Variants in PCED1B observed in about 807,000 individuals in gnomAD.
PCED1B encodes the protein PC-esterase domain containing 1B.
For synonymous variants in PCED1B, 251 were observed against 246.1 expected, an observed-to-expected ratio of 1.02 and a Z score of -0.19; for missense variants, 573 against 573.9, an observed-to-expected ratio of 1.00 and a Z score of 0.02.
intron 3 of PCED1B, 79 bp from the exon 4 acceptor site, chr12:47,234,928 G>A: frequency 1.4e-6 from 1 of 698,200 alleles, no homozygotes; most frequent in Non-Finnish European, 2.2e-6. Context: ...CCTTCCCCAT[G>A]GTCTCCCTAC....
intron 2 of PCED1B, among the ~76,000 whole-genome samples, chr12:47,203,727 G>T (rs1157662116): frequency 1.3e-5 from 2 of 152,118 alleles, no homozygotes; most frequent in South Asian, 2.1e-4. Flanking sequence ...TGGGCATTTA[G>T]GTTGATTTCA....
chr12:47,139,115 G>A (rs1243552894), intron 2 of PCED1B, among the ~76,000 whole-genome samples: 1 of 152,176 alleles, frequency 6.6e-6, no homozygotes, highest in Non-Finnish European at 1.5e-5. Flanking sequence ...ACTGAGAATA[G>A]TGACATAATA....
intron 1 of PCED1B, among the ~76,000 whole-genome samples, chr12:47,081,299 C>T (rs566559790): frequency 5.2e-4 from 79 of 152,248 alleles, no homozygotes; most frequent in South Asian, 2.1e-3. Flanking sequence ...ACCAACTCTT[C>T]CTCCCCTCCC....
intron 2 of PCED1B, among the ~76,000 whole-genome samples, chr12:47,110,534 A>T (rs1391781778): frequency 5.3e-5 from 8 of 152,242 alleles, no homozygotes; most frequent in African/African-American, 1.9e-4. Flanking sequence ...TTACTGCAAA[A>T]GTGACTTAGG....
Position 47,235,358 on chromosome 12 carries a change from T to A in PCED1B, c.295T>A (p.Ser99Thr), listed in dbSNP as rs1417210762. 1 of 1,614,148 alleles carries A rather than the reference T, an allele frequency of 6.2e-7. No homozygotes were observed. Among genetic ancestry groups the A allele is most frequent in the Non-Finnish European group, 8.5e-7 (1 of 1,180,040 alleles). Residue 99 changes from serine to threonine, a missense_variant, in exon 4 of 4, where the codon TCC (serine) becomes ACC (threonine). Transcript: ENST00000546455. ...VRFYFLTRVY[S>T]DYLQTILKEL... The stretch of plus-strand genomic sequence containing the variant: ...TTTTTACTTCCTCACCCGCGTGTAC[T>A]CCGATTACCTCCAGACCATCTTGAA...
In PCED1B at chr12:47,217,481, A is replaced by AAAAAG. The variant is rs1491317804; in HGVS notation, c.-58+794_-58+795insAAGAA. The stretch of plus-strand genomic sequence containing the variant: ...GAAAAAGAAAGAAAGAGAAAGAAAG[A>AAAAAG]AAGAAAGAAAGAAAGAAAGAAAGAA... On this transcript the variant is annotated intron_variant, in intron 3 of 3. Transcript: ENST00000546455. 2.6e-3 allele frequency among the ~76,000 whole-genome samples: 320 copies of AAAAAG among 122,364 alleles called. 6 individuals are homozygous for AAAAAG. The highest frequency in any genetic ancestry group is 0.019 in the East Asian group (86 of 4,438). The allele number at this position is 122,364 out of a possible 152,430, so 80.3% of individuals were successfully genotyped here.
At chr12:47,223,955 C>T (rs1943560662) in intron 3 of PCED1B, 1 of 152,234 alleles carries the variant, frequency 6.6e-6, no homozygotes, top group Non-Finnish European at 1.5e-5. Flanking sequence ...TGTGGGCAGC[C>T]AGCCCAAGAG....
rs1490928360 is a variant in PCED1B, at chr12:47,235,060, C to T, written c.-4C>T. The T allele has an allele frequency of 6.6e-7, 1 of 1,522,916 alleles. No homozygotes were observed. Among genetic ancestry groups the T allele is most frequent in the African/African-American group, 1.4e-5 (1 of 71,968 alleles). 94.3% of individuals were successfully genotyped at this position (1,522,916 alleles called of 1,614,324 possible). On this transcript the variant is annotated 5_prime_UTR_variant, in exon 4 of 4. Transcript: ENST00000546455. ...AAGGAGCTAGGCTGTGCGCCCTGGGCGTCATGATCCTTCTGCGGGCCTCCG... is the reference window on the plus strand; with the variant it reads ...AAGGAGCTAGGCTGTGCGCCCTGGGTGTCATGATCCTTCTGCGGGCCTCCG...
chr12:47,119,083 C>T (rs994826890), intron 2 of PCED1B, among the ~76,000 whole-genome samples: 5 of 152,140 alleles, frequency 3.3e-5, no homozygotes, highest in African/African-American at 1.2e-4. Flanking sequence ...AATAAATCCA[C>T]ATGCCTATAG....
chr12:47,108,264 G>A lies in PCED1B; in HGVS notation c.-526+4069G>A, dbSNP rs185733659. On this transcript the variant is annotated intron_variant, in intron 2 of 3. Transcript: ENST00000546455. ...AGGCAAAACACAGGGAAAGTAGCCT[G>A]AGTGCTGATGAGCTTCTCAGGTGCT... is the stretch of plus-strand genomic sequence containing the variant. Among the ~76,000 whole-genome samples, 10 of 152,284 alleles carry A rather than the reference G, an allele frequency of 6.6e-5. No individual in the cohort carries two copies. In the South Asian group the frequency reaches 1.7e-3, roughly 25 times the overall value.
At chr12:47,109,045 C>T (rs1939080079) in intron 2 of PCED1B, among the ~76,000 whole-genome samples, 1 of 152,126 alleles carries the variant, frequency 6.6e-6, no homozygotes, top group African/African-American at 2.4e-5. Flanking sequence ...ATAAACTTTC[C>T]AGTTGGCCTT....
intron 2 of PCED1B, chr12:47,209,816 T>C (rs894767040): frequency 1.7e-4 from 26 of 152,114 alleles, no homozygotes; most frequent in African/African-American, 6.3e-4. Flanking sequence ...TGAAGGGAAG[T>C]AAAATTATAA....
At chr12:47,184,787 A>T (rs1457273206) in intron 2 of PCED1B, among the ~76,000 whole-genome samples, 1 of 152,192 alleles carries the variant, frequency 6.6e-6, no homozygotes, top group East Asian at 1.9e-4. Flanking sequence ...AAATTTAATG[A>T]ATCCAGATCT....
chr12:47,219,317 A>G (rs1230051123), intron 3 of PCED1B, among the ~76,000 whole-genome samples: 4 of 152,204 alleles, frequency 2.6e-5, no homozygotes, highest in African/African-American at 9.7e-5. Context: ...CCATTTAAGA[A>G]GTAAAAAACT....
In PCED1B at chr12:47,104,108, T is replaced by C. The variant is rs1395157572; in HGVS notation, c.-608-5T>C. On this transcript the variant is annotated splice_polypyrimidine_tract_variant and splice_region_variant and intron_variant, in intron 1 of 3. Coordinates refer to ENST00000546455, the MANE Select transcript of PCED1B (RefSeq NM_138371.3). The stretch of plus-strand genomic sequence containing the variant: ...ATAATTAAACATGCCATTTTCACAT[T>C]TCAGGTAATGAGAGGCCCTAAGATC... 6.6e-6 allele frequency: 1 copy of C among 152,164 alleles called. No individual in the cohort carries two copies. The highest frequency in any genetic ancestry group is 1.9e-4 in the East Asian group (1 of 5,192). The allele number at this position is 152,164 out of a possible 1,614,324, so 9.4% of individuals were successfully genotyped here. A position where few individuals can be genotyped will look rare whatever the true frequency, so the allele number is the denominator to read the frequency against.
intron 2 of PCED1B, among the ~76,000 whole-genome samples, chr12:47,204,146 G>A (rs553084899): frequency 1.0e-3 from 155 of 152,120 alleles, no homozygotes; most frequent in African/African-American, 2.4e-3. Flanking sequence ...GGTTTCATTC[G>A]CTATGTTGGT....
chr12:47,161,380 C>T (rs924611825), intron 2 of PCED1B, among the ~76,000 whole-genome samples: 5 of 152,144 alleles, frequency 3.3e-5, no homozygotes, highest in African/African-American at 1.2e-4. Context: ...ATCATTTCAC[C>T]ACATATGTGA....
At chr12:47,122,949 T>C (rs1437767827) in intron 2 of PCED1B, among the ~76,000 whole-genome samples, 1 of 152,210 alleles carries the variant, frequency 6.6e-6, no homozygotes, top group Non-Finnish European at 1.5e-5. Context: ...CATTTTCTTT[T>C]GCTACTTTCT....
At chr12:47,163,365 A>G (rs1363943969) in intron 2 of PCED1B, among the ~76,000 whole-genome samples, 1 of 152,174 alleles carries the variant, frequency 6.6e-6, no homozygotes, top group Non-Finnish European at 1.5e-5. Flanking sequence ...AACAGAGACA[A>G]TTCTACTTTT....
Sources: gnomAD v4.1 joint callset for allele counts (sites outside exome capture counted in the v4.1 genomes callset) on GRCh38, gnomAD v4.1.1 for gene constraint, MANE v1.5 for transcripts, NCBI Gene and HGNC (gene_info 2026-07-23, HGNC 2026-07-21) for gene names.